Variants in TRPV1 observed in about 807,000 individuals in gnomAD.
The protein encoded by TRPV1 is transient receptor potential cation channel subfamily V member 1, also known as OTRPC1.
Under a neutral mutation model 82.3 loss-of-function variants are expected in TRPV1, and 82 were observed. That is an observed-to-expected ratio of 1.00 (90% CI 0.83 to 1.20). TRPV1 has a LOEUF of 1.20. TRPV1 is among the 50% of genes most tolerant of loss of function. The pLI is 0.00. For synonymous variants in TRPV1, 515 were observed against 467.7 expected (o/e 1.10, Z -1.30); for missense variants, 1,067 against 1,096.8 (o/e 0.97, Z 0.38).
At position 3,590,107 on chromosome 17, in the gene TRPV1, T is replaced by C; in HGVS notation, c.746-2A>G. ...CGGCCAGGGACAGGGGCAGTTCACCTGCATGAACACAGGGCCCAGGTGGGC... is the reference window on the plus strand; with the variant it reads ...CGGCCAGGGACAGGGGCAGTTCACCCGCATGAACACAGGGCCCAGGTGGGC... On this transcript the variant is annotated splice_acceptor_variant, in intron 6 of 16. Transcript: ENST00000572705. LOFTEE classifies it high-confidence loss of function. 2 of 1,603,012 alleles carry C rather than the reference T, an allele frequency of 1.2e-6. No homozygotes were observed. Among genetic ancestry groups the C allele is most frequent in the Non-Finnish European group, 1.7e-6 (2 of 1,173,640 alleles).
At chr17:3,573,560 G>C in intron 14 of TRPV1, 73 bp downstream of exon 14, 3 of 69,958 alleles carry the variant, frequency 4.3e-5, no homozygotes, top group African/African-American at 6.4e-5. Context: ...CCTGCAGCCA[G>C]CTGTGTAAGA....
intron 2 of TRPV1, among the ~76,000 whole-genome samples, chr17:3,598,563 CTTT>C (rs57290148): frequency 6.0e-5 from 7 of 116,786 alleles, no homozygotes; most frequent in Non-Finnish European, 8.5e-5. Context: ...CGCTTAGTCA[CTTT>C]TTTTTTTTTT....
chr17:3,599,242 A>G (rs1172011812), intron 2 of TRPV1, among the ~76,000 whole-genome samples: 1 of 152,090 alleles, frequency 6.6e-6, no homozygotes. Context: ...TCTGTCTCAA[A>G]ATATATATTT....
At chr17:3,597,865 G>C (rs2075233206) in intron 2 of TRPV1, among the ~76,000 whole-genome samples, 1 of 152,026 alleles carries the variant, frequency 6.6e-6, no homozygotes, top group East Asian at 1.9e-4. Flanking sequence ...GTAGAGTCAG[G>C]GTTTCGCCAT....
intron 2 of TRPV1, among the ~76,000 whole-genome samples, chr17:3,600,607 A>G (rs756549619): frequency 1.3e-5 from 2 of 152,122 alleles, no homozygotes; most frequent in Admixed American, 6.5e-5. Flanking sequence ...AAAACGAAAC[A>G]AAACAAAAGA....
At chr17:3,576,074 T>TACAAAAAAAAAA (rs1345161866) in intron 13 of TRPV1, among the ~76,000 whole-genome samples, 14 of 141,534 alleles carry the variant, frequency 9.9e-5, no homozygotes, top group African/African-American at 3.7e-4. Flanking sequence ...AAAAAAAAAA[T>TACAAAAAAAAAA]AGCCAGGTGT....
At chr17:3,596,505 G>A (rs1355228366) in intron 2 of TRPV1, among the ~76,000 whole-genome samples, 1 of 152,216 alleles carries the variant, frequency 6.6e-6, no homozygotes, top group Non-Finnish European at 1.5e-5. Context: ...GACCCAGTGT[G>A]CCTGCTTCCC....
intron 10 of TRPV1, among the ~76,000 whole-genome samples, chr17:3,582,492 T>C (rs1374077055): frequency 4.6e-5 from 7 of 152,146 alleles, no homozygotes; most frequent in Non-Finnish European, 8.8e-5. Flanking sequence ...GTTCTCACTC[T>C]TCTTTAAAGA....
intron 5 of TRPV1, 69 bp downstream of exon 5, chr17:3,590,895 G>T: frequency 6.8e-7 from 1 of 1,479,674 alleles, no homozygotes. Context: ...GGAGGCCCAG[G>T]GACAACCATG....
chr17:3,575,062 G>C (rs922517721), intron 13 of TRPV1, among the ~76,000 whole-genome samples: 1 of 152,048 alleles, frequency 6.6e-6, no homozygotes, highest in Non-Finnish European at 1.5e-5. Context: ...AACAAAGTGA[G>C]AATCCATGAA....
chr17:3,592,300 T>G lies in TRPV1; in HGVS notation c.51A>C (p.Gln17His), dbSNP rs1372541176. The change falls in exon 3 of 17, where the codon CAA (glutamine) becomes CAC (histidine). Residue 17 changes from glutamine to histidine, a missense_variant. Coordinates refer to ENST00000572705, the MANE Select transcript of TRPV1 (RefSeq NM_080704.4). Reference protein sequence around the residue: ...TDLGAAADPLQKDTCPDPLDG... With the variant: ...TDLGAAADPLHKDTCPDPLDG... ...CCAGGGGGTCTGGGCAGGTGTCCTT[T>G]TGGAGTGGGTCCGCAGCTGCCCCCA... The G allele has an allele frequency of 4.4e-6, 7 of 1,601,590 alleles. No homozygotes were observed. In the East Asian group the frequency reaches 1.6e-4, roughly 36 times the overall value.
At chr17:3,584,425 A>AAAAC (rs2075059615) in intron 9 of TRPV1, among the ~76,000 whole-genome samples, 1 of 127,748 alleles carries the variant, frequency 7.8e-6, no homozygotes, top group African/African-American at 3.0e-5. Context: ...AATAAAATAA[A>AAAAC]AAAAAAAGGA....
At chr17:3,588,106 G>A (rs973157954) in intron 8 of TRPV1, 82 bp downstream of exon 8, 2 of 1,479,508 alleles carry the variant, frequency 1.4e-6, no homozygotes, top group South Asian at 1.3e-5. Context: ...TGAGAAGCCA[G>A]CTGGAGCTGG....
intron 14 of TRPV1, among the ~76,000 whole-genome samples, chr17:3,572,858 C>T (rs1332198479): frequency 6.6e-6 from 1 of 152,060 alleles, no homozygotes; most frequent in Non-Finnish European, 1.5e-5. Flanking sequence ...TGGTGGGTGC[C>T]TGCAATCCCA....
At chr17:3,595,527 C>A (rs1425060411) in intron 2 of TRPV1, 1 of 152,278 alleles carries the variant, frequency 6.6e-6, no homozygotes, top group Admixed American at 6.5e-5. Context: ...ACAAGCAGCT[C>A]AGGAACCCCA....
At position 3,592,285 on chromosome 17, in the gene TRPV1, TG is replaced by T. The variant is rs778125374; in HGVS notation, c.65del (p.Pro22GlnfsTer139). On this transcript the variant is annotated frameshift_variant, in exon 3 of 17. Coordinates refer to ENST00000572705, the MANE Select transcript of TRPV1 (RefSeq NM_080704.4). LOFTEE classifies it high-confidence loss of function. ...AADPLQKDTC[P>X]DPLDGDPNSR... The stretch of plus-strand genomic sequence containing the variant: ...AGTTAGGGTCTCCATCCAGGGGGTC[TG>T]GGCAGGTGTCCTTTTGGAGTGGGTC... The T allele has an allele frequency of 6.2e-7, 1 of 1,604,272 alleles. No homozygotes were observed. Among genetic ancestry groups the T allele is most frequent in the East Asian group, 2.2e-5 (1 of 44,554 alleles).
At chr17:3,572,432 G>A (rs973378255) in intron 14 of TRPV1, among the ~76,000 whole-genome samples, 183 bp from the exon 15 acceptor site, 5 of 152,204 alleles carry the variant, frequency 3.3e-5, no homozygotes, top group African/African-American at 1.2e-4. Flanking sequence ...TGTATACAAG[G>A]GGCACAGCCC....
intron 2 of TRPV1, among the ~76,000 whole-genome samples, chr17:3,594,154 A>AAGCAGCAGCAGC (rs773915600): frequency 3.1e-5 from 3 of 95,394 alleles, no homozygotes; most frequent in Non-Finnish European, 5.8e-5. Context: ...AAAAAAAAAG[A>AAGCAGCAGCAGC]AGCAGCAGCA....
intron 2 of TRPV1, among the ~76,000 whole-genome samples, chr17:3,596,364 G>C (rs1175598386): frequency 1.3e-5 from 2 of 152,192 alleles, no homozygotes; most frequent in Admixed American, 1.3e-4. Flanking sequence ...GGACTTTCTG[G>C]AAGCTGGGAG....
Sources: allele counts gnomAD v4.1 joint callset (sites outside exome capture counted in the v4.1 genomes callset), GRCh38; gene constraint gnomAD v4.1.1; transcripts MANE v1.5; gene names NCBI Gene and HGNC (gene_info 2026-07-23, HGNC 2026-07-21).